FAM53B: variants seen among roughly 807,000 people sequenced by gnomAD.
FAM53B encodes protein FAM53B.
A neutral mutation model predicts 32.7 loss-of-function variants in FAM53B; 12 were observed. That is an observed-to-expected ratio of 0.37 (90% CI 0.24 to 0.59). The LOEUF is 0.59. Ranked by LOEUF, FAM53B falls within the 20% of genes least tolerant of loss-of-function variation. The pLI, the probability that FAM53B is intolerant of heterozygous loss-of-function variation, is 0.72. For missense variants in FAM53B, 477 were observed against 577.7 expected (o/e 0.83, Z 1.79); for synonymous variants, 234 against 228.7 (o/e 1.02, Z -0.21).
At chr10:124,714,775 A>C (rs575580742) in intron 1 of FAM53B, among the ~76,000 whole-genome samples, 1 of 151,924 alleles carries the variant, frequency 6.6e-6, no homozygotes. Context: ...AAAAAAAAAA[A>C]AAAAGAAAAC....
chr10:124,682,452 C>A lies in FAM53B; in HGVS notation c.134-73G>T. On this transcript the variant is annotated intron_variant, in intron 3 of 4. Coordinates refer to ENST00000337318, the MANE Select transcript of FAM53B (RefSeq NM_014661.4). The surrounding 1 kb of genome is among the most constrained non-coding windows in gnomAD (Gnocchi z 5.2). ...CTCCAGCCCTTTATTATCTCCACAC[C>A]AACAGCCCGTTTCAAACACAGTATC... 1.5e-6 allele frequency: 2 copies of A among 1,330,430 alleles called. No homozygotes were observed. Among genetic ancestry groups the A allele is most frequent in the South Asian group, 1.4e-5 (1 of 72,990 alleles). The allele number at this position is 1,330,430 out of a possible 1,614,324, so 82.4% of individuals were successfully genotyped here.
intron 3 of FAM53B, among the ~76,000 whole-genome samples, chr10:124,686,586 C>T (rs1435921854): frequency 1.3e-5 from 2 of 152,196 alleles, no homozygotes; most frequent in Admixed American, 6.5e-5. Context: ...GCTCTGTGAT[C>T]GTACAGCACG....
intron 1 of FAM53B, among the ~76,000 whole-genome samples, chr10:124,719,060 G>C (rs1950053060): frequency 6.6e-6 from 1 of 151,552 alleles, no homozygotes. Flanking sequence ...AAAAAAAGAA[G>C]AAGAAGAAAG....
Position 124,681,948 on chromosome 10 carries a change from G to C in FAM53B, c.565C>G (p.Arg189Gly), listed in dbSNP as rs147832040. 3,449 of 1,614,036 alleles carry C rather than the reference G, an allele frequency of 2.1e-3. 9 individuals carry two copies. The highest frequency in any genetic ancestry group is 2.8e-3 in the Non-Finnish European group (3,306 of 1,180,016). The change falls in exon 4 of 5, where the codon CGA (arginine) becomes GGA (glycine). Residue 189 changes from arginine (R) to glycine (G), a missense_variant. By Grantham distance (125) the Arg-to-Gly change is moderately radical. Coordinates refer to ENST00000337318, the MANE Select transcript of FAM53B (RefSeq NM_014661.4). ...CCTTGGCAGGGCTGCCCTCCAAATC[G>C]GTGGTGGAGTCCTGCCTGGTCGCAG... ...SPCDQAGLHH[R>G]FGGQPCQGVP... is the part of the protein sequence containing the mutation.
At chr10:124,677,903 G>A (rs887650963) in intron 4 of FAM53B, among the ~76,000 whole-genome samples, 2 of 152,202 alleles carry the variant, frequency 1.3e-5, no homozygotes, top group Non-Finnish European at 2.9e-5. Flanking sequence ...AACTCCCTCT[G>A]ACAAGGGGGG....
Position 124,682,530 on chromosome 10 carries a change from G to A in FAM53B, c.134-151C>T, listed in dbSNP as rs553981020. The A allele has an allele frequency of 1.0e-3, 669 of 668,222 alleles. No individual in the cohort carries two copies. The highest frequency in any genetic ancestry group is 1.3e-3 in the Non-Finnish European group (524 of 400,750). The allele number at this position is 668,222 out of a possible 1,614,324, so 41.4% of individuals were successfully genotyped here. On this transcript the variant is annotated intron_variant, in intron 3 of 4. Coordinates refer to ENST00000337318, the MANE Select transcript of FAM53B (RefSeq NM_014661.4). This position sits in a 1 kb window ranked among gnomAD's most constrained non-coding sequence, Gnocchi z 5.2. ...TCCAGTCCAACCTCATTTTACAGAT[G>A]AGAAATTGAGGCTGAGAGAGGAGAA...
intron 1 of FAM53B, among the ~76,000 whole-genome samples, chr10:124,709,900 G>A (rs1949988938): frequency 6.6e-6 from 1 of 151,860 alleles, no homozygotes; most frequent in Non-Finnish European, 1.5e-5. Context: ...GTTGCCTGGA[G>A]AAGGGAATGA....
intron 4 of FAM53B, among the ~76,000 whole-genome samples, chr10:124,626,255 C>A (rs570369355): frequency 5.9e-4 from 90 of 152,364 alleles, no homozygotes; most frequent in African/African-American, 2.1e-3. Context: ...TCTGTGCTCA[C>A]CCTCTCGGTC....
intron 4 of FAM53B, among the ~76,000 whole-genome samples, chr10:124,638,841 T>G (rs1420425707): frequency 2.0e-5 from 3 of 152,176 alleles, no homozygotes; most frequent in Non-Finnish European, 4.4e-5. Context: ...GTGGTGGGTG[T>G]GGAAGGACAT....
At chr10:124,678,613 C>T (rs117139886) in intron 4 of FAM53B, among the ~76,000 whole-genome samples, 2,585 of 152,322 alleles carry the variant, frequency 0.017, 29 homozygotes, top group Non-Finnish European at 0.028. Context: ...TCTTCAGTTT[C>T]CTCAAGAGAG....
chr10:124,655,201 G>A (rs1192207422), intron 4 of FAM53B, among the ~76,000 whole-genome samples: 1 of 152,130 alleles, frequency 6.6e-6, no homozygotes, highest in African/African-American at 2.4e-5. Flanking sequence ...TCACATTCAG[G>A]TGACAAGGCT....
At chr10:124,728,631 G>A (rs964336103) in intron 1 of FAM53B, among the ~76,000 whole-genome samples, 9 of 152,320 alleles carry the variant, frequency 5.9e-5, no homozygotes, top group Admixed American at 4.6e-4. Flanking sequence ...CTGTTTTGAT[G>A]ACTTCTATGC....
chr10:124,715,370 G>A (rs1950032879), intron 1 of FAM53B, among the ~76,000 whole-genome samples: 1 of 152,088 alleles, frequency 6.6e-6, no homozygotes. Flanking sequence ...ACCTGCAGAG[G>A]GTGAAGTGTC....
Position 124,631,758 on chromosome 10 carries a change from C to T in FAM53B, c.907-8154G>A, listed in dbSNP as rs80050436. ...TCAGCCACATAAACCCCCTCTGCAC[C>T]AGCCCTGGGTCAGCACCATCCTGAC... On this transcript the variant is annotated intron_variant, in intron 4 of 4. Transcript: ENST00000337318. 4.0e-4 allele frequency among the ~76,000 whole-genome samples: 61 copies of T among 152,290 alleles called. No homozygotes were observed. In the East Asian group the frequency reaches 9.5e-3, roughly 24 times the overall value.
chr10:124,653,195 C>G (rs1266697760), intron 4 of FAM53B, among the ~76,000 whole-genome samples: 2 of 145,738 alleles, frequency 1.4e-5, no homozygotes, highest in Non-Finnish European at 3.1e-5. Flanking sequence ...GATTTTTATC[C>G]CTGCTCAGTG....
chr10:124,742,920 C>G (rs892773982), intron 1 of FAM53B: 1 of 152,222 alleles, frequency 6.6e-6, no homozygotes, highest in Non-Finnish European at 1.5e-5. Flanking sequence ...TCCCATTCAT[C>G]AAACGCTGCA....
At chr10:124,729,934 A>G (rs1278711410) in intron 1 of FAM53B, among the ~76,000 whole-genome samples, 2 of 152,226 alleles carry the variant, frequency 1.3e-5, no homozygotes, top group Admixed American at 1.3e-4. Flanking sequence ...ATTCCTATTC[A>G]GAGCATTTAT....
chr10:124,704,067 G>C (rs1949933746), intron 2 of FAM53B: 1 of 152,352 alleles, frequency 6.6e-6, no homozygotes, highest in Non-Finnish European at 1.5e-5. Flanking sequence ...CACAGAGGCG[G>C]CCACTGCAGC....
At chr10:124,734,360 G>A (rs955543756) in intron 1 of FAM53B, among the ~76,000 whole-genome samples, 4 of 152,276 alleles carry the variant, frequency 2.6e-5, no homozygotes, top group Non-Finnish European at 5.9e-5. Flanking sequence ...TGAGCCTGGG[G>A]GCCACCACCA....
Sources: allele counts gnomAD v4.1 joint callset (sites outside exome capture counted in the v4.1 genomes callset), GRCh38; gene constraint gnomAD v4.1.1; non-coding constraint Gnocchi (gnomAD v3.1); transcripts MANE v1.5; gene names NCBI Gene and HGNC (gene_info 2026-07-23, HGNC 2026-07-21).